NFIA: variants seen among roughly 807,000 people sequenced by gnomAD.
NFIA encodes nuclear factor 1 A-type.
A neutral mutation model predicts 62.8 loss-of-function variants in NFIA; 8 were observed. The ratio of observed to expected loss-of-function variants is 0.13; its 90% CI spans 0.07 to 0.23. NFIA has a LOEUF of 0.23. NFIA is among the 10% of genes least tolerant of loss of function. NFIA has a pLI of 1.00. For missense variants in NFIA, 410 were observed against 642.1 expected, an observed-to-expected ratio of 0.64 and a Z score of 3.91; for synonymous variants, 235 against 238.1, an observed-to-expected ratio of 0.99 and a Z score of 0.12.
chr1:61,179,369 G>T (rs1254418816), intron 2 of NFIA, among the ~76,000 whole-genome samples: 2 of 152,208 alleles, frequency 1.3e-5, no homozygotes, highest in African/African-American at 4.8e-5. Flanking sequence ...GCAGTCTGGG[G>T]TATTGTTCCT....
intron 10 of NFIA, among the ~76,000 whole-genome samples, chr1:61,435,668 C>T (rs1169390576): frequency 2.6e-5 from 4 of 152,170 alleles, no homozygotes; most frequent in South Asian, 2.1e-4. Context: ...ATTTTAATCT[C>T]TAGCTGCAAA....
At chr1:61,358,795 G>GCC (rs1225102575) in intron 5 of NFIA, among the ~76,000 whole-genome samples, 1 of 151,770 alleles carries the variant, frequency 6.6e-6, no homozygotes, top group African/African-American at 2.4e-5. Flanking sequence ...CCAGGCCCCA[G>GCC]CCACCACCTG....
chr1:61,426,607 A>T, intron 10 of NFIA, 51 bp downstream of exon 10: 1 of 1,371,754 alleles, frequency 7.3e-7, no homozygotes. Flanking sequence ...ATTATTCATC[A>T]GGTGCATTTT....
At chr1:61,378,313 G>C (rs1376397176) in intron 6 of NFIA, among the ~76,000 whole-genome samples, 1 of 152,184 alleles carries the variant, frequency 6.6e-6, no homozygotes, top group Non-Finnish European at 1.5e-5. Flanking sequence ...ATCAGGAGAA[G>C]TAGAAATTTT....
chr1:61,225,577 G>A (rs1654284277), intron 2 of NFIA, among the ~76,000 whole-genome samples: 9 of 127,966 alleles, frequency 7.0e-5, no homozygotes. Context: ...TTTTTTGCAT[G>A]TGAAAGAGAT....
chr1:61,183,166 A>T (rs2100563524), intron 2 of NFIA, among the ~76,000 whole-genome samples: 1 of 152,236 alleles, frequency 6.6e-6, no homozygotes. Context: ...TGTTGCAGCC[A>T]CCTATCAGAG....
chr1:61,178,297 G>A (rs1286557965), intron 2 of NFIA, among the ~76,000 whole-genome samples: 1 of 152,142 alleles, frequency 6.6e-6, no homozygotes, highest in Non-Finnish European at 1.5e-5. Context: ...AGTAATAGGG[G>A]AAAAAGTTTG....
intron 1 of NFIA, among the ~76,000 whole-genome samples, chr1:61,084,793 C>CAGGT (rs1456586155): frequency 6.6e-6 from 1 of 151,760 alleles, no homozygotes; most frequent in Non-Finnish European, 1.5e-5. Flanking sequence ...AGGGCACAGT[C>CAGGT]AGGTATTTAA....
At chr1:61,246,874 ATTAAG>A (rs1655679996) in intron 2 of NFIA, among the ~76,000 whole-genome samples, 1 of 152,152 alleles carries the variant, frequency 6.6e-6, no homozygotes, top group African/African-American at 2.4e-5. Context: ...TAGTGATTTT[ATTAAG>A]TTGACTAAGC....
At chr1:61,426,692 C>A in intron 10 of NFIA, 136 bp downstream of exon 10, 1 of 690,268 alleles carries the variant, frequency 1.4e-6, no homozygotes, top group Non-Finnish European at 2.5e-6. Flanking sequence ...TCCCACCAGC[C>A]ACATTTCCAT....
intron 8 of NFIA, 91 bp from the exon 9 acceptor site, chr1:61,406,471 A>G: frequency 3.8e-6 from 4 of 1,064,454 alleles, no homozygotes; most frequent in Non-Finnish European, 5.5e-6. Flanking sequence ...AAGGTGCCTG[A>G]TGAATATTTT....
intron 9 of NFIA, among the ~76,000 whole-genome samples, chr1:61,421,757 G>A (rs1666631382): frequency 6.6e-6 from 1 of 152,192 alleles, no homozygotes; most frequent in South Asian, 2.1e-4. Flanking sequence ...TCAAAGAGCA[G>A]CTCCCCTTTC....
chr1:61,118,233 G>C (rs113985263), intron 2 of NFIA, among the ~76,000 whole-genome samples: 5 of 151,980 alleles, frequency 3.3e-5, no homozygotes, highest in African/African-American at 9.6e-5. Flanking sequence ...ATATTGTCTG[G>C]CTAAAGAAAG....
intron 3 of NFIA, among the ~76,000 whole-genome samples, chr1:61,296,522 T>C (rs1659196689): frequency 6.6e-6 from 1 of 152,188 alleles, no homozygotes; most frequent in Non-Finnish European, 1.5e-5. Flanking sequence ...AATTTCTTCT[T>C]TGTATTTGGT....
intron 2 of NFIA, among the ~76,000 whole-genome samples, chr1:61,155,617 G>A (rs1225785723): frequency 6.9e-6 from 1 of 144,354 alleles, no homozygotes; most frequent in Non-Finnish European, 1.5e-5. Flanking sequence ...AGCTTGCAGT[G>A]AGCCGAGATT....
At chr1:61,280,414 A>G (rs1419705750) in intron 3 of NFIA, among the ~76,000 whole-genome samples, 1 of 152,120 alleles carries the variant, frequency 6.6e-6, no homozygotes, top group Non-Finnish European at 1.5e-5. Flanking sequence ...CTTCAAATAA[A>G]ATGGGAATTC....
intron 2 of NFIA, among the ~76,000 whole-genome samples, chr1:61,223,675 T>C (rs1654155022): frequency 6.6e-6 from 1 of 152,132 alleles, no homozygotes; most frequent in Non-Finnish European, 1.5e-5. Flanking sequence ...TGTGGAATTC[T>C]CATTTGATAA....
intron 10 of NFIA, among the ~76,000 whole-genome samples, chr1:61,454,065 G>T (rs868635100): frequency 1.7e-4 from 26 of 152,194 alleles, no homozygotes; most frequent in African/African-American, 5.5e-4. Context: ...TTCATCCCTG[G>T]GGACCAAATG....
intron 4 of NFIA, among the ~76,000 whole-genome samples, chr1:61,336,261 G>A (rs557121474): frequency 2.9e-4 from 44 of 152,138 alleles, no homozygotes; most frequent in African/African-American, 1.1e-3. Context: ...ATTAAAAAAA[G>A]GTTAAAACTA....
Sources: allele counts gnomAD v4.1 joint callset (sites outside exome capture counted in the v4.1 genomes callset), GRCh38; gene constraint gnomAD v4.1.1; transcripts MANE v1.5; gene names NCBI Gene and HGNC (gene_info 2026-07-23, HGNC 2026-07-21).